Variants in PLSCR2 observed in about 807,000 individuals in gnomAD.
PLSCR2 encodes PL scramblase 2.
Under a neutral mutation model 25.3 loss-of-function variants are expected in PLSCR2, and 18 were observed. That is an observed-to-expected ratio of 0.71 (90% confidence interval 0.49 to 1.06). The LOEUF (loss-of-function observed/expected upper bound fraction) is 1.06. Among genes scored for constraint, PLSCR2 ranks in the 50% least tolerant of loss-of-function variants. The pLI is 0.00. For missense variants in PLSCR2, 243 were observed against 269.5 expected, an observed-to-expected ratio of 0.90 and a Z score of 0.69; for synonymous variants, 88 against 87.3, an observed-to-expected ratio of 1.01 and a Z score of -0.04.
intron 1 of PLSCR2, among the ~76,000 whole-genome samples, chr3:146,474,786 A>G (rs1358105747): frequency 6.6e-6 from 1 of 151,834 alleles, no homozygotes; most frequent in Non-Finnish European, 1.5e-5. Flanking sequence ...TCAATCTTAG[A>G]TTCAGTCTTT....
exon 2 of PLSCR2, chr3:146,459,990 C>T (rs571600120): frequency 1.2e-5 from 20 of 1,613,170 alleles, no homozygotes; most frequent in Admixed American, 6.7e-5. Flanking sequence ...GTCATGCTGA[C>T]GTCCTGGGTA....
chr3:146,461,958 T>TA (rs147297614), upstream of PLSCR2: 14,830 of 1,150,094 alleles, frequency 0.013, 1 homozygote, highest in South Asian at 0.015. Flanking sequence ...TTTCATAAGC[T>TA]AAAAAAAAAA....
At chr3:146,441,600 A>G (rs1244726891), downstream of PLSCR2, among the ~76,000 whole-genome samples, 1 of 152,032 alleles carries the variant, frequency 6.6e-6, no homozygotes, top group Non-Finnish European at 1.5e-5. Flanking sequence ...AATAAATATT[A>G]GAATTTGAAA....
chr3:146,415,055 G>A (rs1426274307), intron 2 of PLSCR2: 1 of 152,488 alleles, frequency 6.6e-6, no homozygotes, highest in Admixed American at 6.6e-5. Flanking sequence ...TAATTTATGG[G>A]GGTTGATCTA....
At chr3:146,432,646 T>C (rs1268765618), downstream of PLSCR2, among the ~76,000 whole-genome samples, 2 of 152,200 alleles carry the variant, frequency 1.3e-5, no homozygotes, top group Non-Finnish European at 2.9e-5. Context: ...TCTACCTTTT[T>C]GTTCTAAATC....
At chr3:146,443,781 A>G (rs1001248652) in intron 6 of PLSCR2, among the ~76,000 whole-genome samples, 23 of 151,196 alleles carry the variant, frequency 1.5e-4, no homozygotes, top group African/African-American at 5.3e-4. Context: ...GAACTTTATT[A>G]TTTCTTTTCT....
chr3:146,422,067 G>T (rs527370136), intron 2 of PLSCR2, among the ~76,000 whole-genome samples: 4 of 152,074 alleles, frequency 2.6e-5, no homozygotes, highest in Non-Finnish European at 4.4e-5. Flanking sequence ...CAAGTGCACA[G>T]ATATAAGATA....
chr3:146,484,528 G>A (rs2043273320), intron 1 of PLSCR2, among the ~76,000 whole-genome samples: 1 of 152,000 alleles, frequency 6.6e-6, no homozygotes. Flanking sequence ...TACTGTTAAG[G>A]GCAGCCAGAG....
At chr3:146,479,352 A>G (rs995151126) in intron 1 of PLSCR2, among the ~76,000 whole-genome samples, 3 of 152,208 alleles carry the variant, frequency 2.0e-5, no homozygotes, top group African/African-American at 7.2e-5. Context: ...GACCCATCTC[A>G]CGTGCAGAGA....
chr3:146,462,942 G>A (rs1047262848), upstream of PLSCR2, among the ~76,000 whole-genome samples: 8 of 152,124 alleles, frequency 5.3e-5, no homozygotes, highest in Admixed American at 5.2e-4. Flanking sequence ...TTGGGCTCCA[G>A]GAATGGTTCA....
At chr3:146,398,548 T>C (rs945761614) in intron 2 of PLSCR2, 4 of 151,310 alleles carry the variant, frequency 2.6e-5, no homozygotes, top group Non-Finnish European at 5.9e-5. Context: ...TTACAATATT[T>C]TCATAATAAT....
intron 2 of PLSCR2, among the ~76,000 whole-genome samples, chr3:146,411,243 A>G (rs1181635444): frequency 1.3e-5 from 2 of 152,146 alleles, no homozygotes; most frequent in African/African-American, 2.4e-5. Flanking sequence ...TGTCAGGACC[A>G]CTTCCCACCC....
At chr3:146,394,358 CCTGGGTTCAAG>C (rs1691745876) in intron 3 of PLSCR2, among the ~76,000 whole-genome samples, 1 of 151,976 alleles carries the variant, frequency 6.6e-6, no homozygotes, top group African/African-American at 2.4e-5. Flanking sequence ...ACCTCTGCCT[CCTGGGTTCAAG>C]CGATTCTCCT....
upstream of PLSCR2, among the ~76,000 whole-genome samples, chr3:146,462,622 T>C (rs754595049): frequency 2.0e-5 from 3 of 151,434 alleles, no homozygotes; most frequent in Admixed American, 6.6e-5. Context: ...CACGCCACCA[T>C]ACCCAGCTAA....
downstream of PLSCR2, among the ~76,000 whole-genome samples, chr3:146,441,601 G>T (rs1204249313): frequency 6.6e-6 from 1 of 151,538 alleles, no homozygotes; most frequent in Non-Finnish European, 1.5e-5. Context: ...ATAAATATTA[G>T]AATTTGAAAA....
chr3:146,478,362 G>A (rs2042998802), intron 1 of PLSCR2, among the ~76,000 whole-genome samples: 1 of 152,100 alleles, frequency 6.6e-6, no homozygotes, highest in Non-Finnish European at 1.5e-5. Flanking sequence ...TTAGATGAAT[G>A]GCTAACTAGA....
chr3:146,469,093 T>C lies in PLSCR2; in HGVS notation c.-292-8809A>G, dbSNP rs866862562. 8.6e-5 allele frequency: 85 copies of C among 983,258 alleles called. No individual in the cohort carries two copies. The East Asian group carries it at 9.1e-4, about 11-fold the overall frequency. The allele number at this position is 983,258 out of a possible 1,614,324, so 60.9% of individuals were successfully genotyped here. On this transcript the variant is annotated intron_variant, in intron 1 of 8. Coordinates refer to the PLSCR2 transcript ENST00000336685. ...AGACGTGGGCTCCTGGCGGACTTCA[T>C]TGAATACTTACTGATAAATGACAGC...
intron 3 of PLSCR2, among the ~76,000 whole-genome samples, chr3:146,457,773 G>T (rs192721585): frequency 6.6e-6 from 1 of 152,240 alleles, no homozygotes; most frequent in Non-Finnish European, 1.5e-5. Context: ...CAGGTAAAGT[G>T]AGTGAATCCC....
intron 1 of PLSCR2, among the ~76,000 whole-genome samples, chr3:146,470,984 T>C (rs1279755646): frequency 6.6e-6 from 1 of 152,178 alleles, no homozygotes; most frequent in Non-Finnish European, 1.5e-5. Context: ...GAGTAAGCGC[T>C]CAGTAAATGT....
Sources: allele counts gnomAD v4.1 joint callset (sites outside exome capture counted in the v4.1 genomes callset), GRCh38; gene constraint gnomAD v4.1.1; transcripts MANE v1.5; gene names NCBI Gene and HGNC (gene_info 2026-07-23, HGNC 2026-07-21).